The following FCHSD2 variants were observed in gnomAD, a reference collection of about 807,000 sequenced individuals.
FCHSD2 encodes the protein FCH and double SH3 domains 2.
FCHSD2 carries 38 observed loss-of-function variants against 108.1 expected under a neutral mutation model. That is an observed-to-expected ratio of 0.35 (90% confidence interval 0.27 to 0.46). The LOEUF (loss-of-function observed/expected upper bound fraction) is 0.46, where lower values mean the gene tolerates loss of function less well. FCHSD2 is among the 20% of genes least tolerant of loss of function. The pLI is 1.00. For synonymous variants in FCHSD2, 279 were observed against 314.7 expected (o/e 0.89, Z 1.20); for missense variants, 751 against 897.8 (o/e 0.84, Z 2.09).
chr11:72,983,705 C>A, intron 8 of FCHSD2: 1 of 346,412 alleles, frequency 2.9e-6, no homozygotes, highest in Non-Finnish European at 5.6e-6. Flanking sequence ...GAAGATTCTG[C>A]CTAGCTTCAA....
At chr11:72,953,059 T>C (rs886878622) in intron 8 of FCHSD2, among the ~76,000 whole-genome samples, 3 of 152,226 alleles carry the variant, frequency 2.0e-5, no homozygotes, top group African/African-American at 7.2e-5. Context: ...ATTTATGAAG[T>C]TATTGTGCTC....
chr11:73,105,940 T>G (rs938769504), intron 2 of FCHSD2, among the ~76,000 whole-genome samples: 2 of 152,204 alleles, frequency 1.3e-5, no homozygotes, highest in Non-Finnish European at 2.9e-5. Context: ...AGAAGATACC[T>G]GGCAGAAGCA....
chr11:73,139,423 T>C (rs559573440), intron 2 of FCHSD2, among the ~76,000 whole-genome samples: 1 of 152,248 alleles, frequency 6.6e-6, no homozygotes, highest in East Asian at 1.9e-4. Flanking sequence ...ATTTCTTTCA[T>C]TAAAATAAGT....
At chr11:72,978,779 G>C (rs547086209) in intron 8 of FCHSD2, among the ~76,000 whole-genome samples, 1 of 151,350 alleles carries the variant, frequency 6.6e-6, no homozygotes, top group East Asian at 1.9e-4. Context: ...GTTTCCTGAG[G>C]CCTCCCCAGC....
intron 3 of FCHSD2, among the ~76,000 whole-genome samples, chr11:73,059,871 G>C (rs1859119860): frequency 6.6e-6 from 1 of 152,064 alleles, no homozygotes; most frequent in African/African-American, 2.4e-5. Context: ...ACTAATAGAA[G>C]ACTTGATAAA....
rs192969098 is a variant in FCHSD2, at chr11:73,124,578, A to G, written c.119+15453T>C. ...CGAGACCAGCCTGGCCAACATGGTG[A>G]AACCCCGCCTCTACTGAAAATACAA... On this transcript the variant is annotated intron_variant, in intron 2 of 19. Transcript: ENST00000409418. Among the ~76,000 whole-genome samples, 548 of 152,196 alleles carry G rather than the reference A, an allele frequency of 3.6e-3. 2 individuals are homozygous for G. The highest frequency in any genetic ancestry group is 0.013 in the African/African-American group (520 of 41,532).
At chr11:73,046,787 T>C (rs998467653) in intron 3 of FCHSD2, among the ~76,000 whole-genome samples, 1 of 152,190 alleles carries the variant, frequency 6.6e-6, no homozygotes, top group Non-Finnish European at 1.5e-5. Flanking sequence ...TTCACCATGT[T>C]GCCCAGGCTG....
intron 8 of FCHSD2, among the ~76,000 whole-genome samples, chr11:72,952,714 A>G (rs1426345132): frequency 6.6e-6 from 1 of 152,202 alleles, no homozygotes; most frequent in African/African-American, 2.4e-5. Context: ...TTAGTGGAAG[A>G]TAAGGGAAGG....
intron 12 of FCHSD2, among the ~76,000 whole-genome samples, chr11:72,886,630 C>G (rs1180806425): frequency 1.3e-5 from 2 of 152,186 alleles, no homozygotes; most frequent in Non-Finnish European, 2.9e-5. Flanking sequence ...CACCACATTG[C>G]TGCTGAGTAG....
chr11:72,983,988 C>A, intron 8 of FCHSD2, 100 bp downstream of exon 8: 1 of 888,658 alleles, frequency 1.1e-6, no homozygotes. Flanking sequence ...CATAGCCTGG[C>A]TACTCTTTTA....
intron 2 of FCHSD2, among the ~76,000 whole-genome samples, chr11:73,091,270 G>T (rs1859950549): frequency 6.6e-6 from 1 of 152,192 alleles, no homozygotes; most frequent in Admixed American, 6.5e-5. Flanking sequence ...CAGGCATGGT[G>T]GCTCACGCCT....
chr11:73,132,835 A>AC (rs1861034780), intron 2 of FCHSD2, among the ~76,000 whole-genome samples: 1 of 151,828 alleles, frequency 6.6e-6, no homozygotes, highest in South Asian at 2.1e-4. Flanking sequence ...AAAAAAAAAA[A>AC]AAAAAAACCT....
intron 12 of FCHSD2, among the ~76,000 whole-genome samples, chr11:72,883,790 G>A (rs1383261013): frequency 6.6e-6 from 1 of 152,112 alleles, no homozygotes; most frequent in East Asian, 1.9e-4. Context: ...AAATTAGCCA[G>A]GCATGGTGGA....
intron 2 of FCHSD2, among the ~76,000 whole-genome samples, chr11:73,128,912 C>T (rs1009030383): frequency 6.6e-6 from 1 of 152,152 alleles, no homozygotes; most frequent in Non-Finnish European, 1.5e-5. Flanking sequence ...CGCTCTGTTG[C>T]CCAGGCTGGA....
Position 72,843,177 on chromosome 11 carries a change from G to A in FCHSD2, c.1679C>T (p.Ser560Leu). 1 of 1,613,994 alleles carries A rather than the reference G, an allele frequency of 6.2e-7. No homozygotes were observed. Among genetic ancestry groups the A allele is most frequent in the Non-Finnish European group, 8.5e-7 (1 of 1,179,892 alleles). The change falls in exon 16 of 20, where the codon TCA (serine) becomes TTA (leucine). Residue 560 changes from serine to leucine, a missense_variant. Coordinates refer to ENST00000409418, the MANE Select transcript of FCHSD2 (RefSeq NM_014824.3). ...SSNSTEAELV[S>L]GSLNGDASVC... ...ACTGGCATCTCCGTTGAGGCTGCCT[G>A]AAACGAGTTCTGCTTCCGTGGAATT...
intron 3 of FCHSD2, among the ~76,000 whole-genome samples, chr11:73,078,781 C>T (rs967219796): frequency 1.3e-5 from 2 of 152,108 alleles, no homozygotes; most frequent in East Asian, 1.9e-4. Flanking sequence ...CACAGTGGTG[C>T]GATCACAGCT....
chr11:72,892,113 C>T (rs555724944), intron 10 of FCHSD2, among the ~76,000 whole-genome samples: 1 of 152,140 alleles, frequency 6.6e-6, no homozygotes, highest in Admixed American at 6.5e-5. Context: ...CTGATAGAGA[C>T]ATTTAATTTT....
intron 10 of FCHSD2, among the ~76,000 whole-genome samples, chr11:72,901,189 C>T (rs983583638): frequency 1.3e-5 from 2 of 151,992 alleles, no homozygotes; most frequent in Admixed American, 6.6e-5. Context: ...CTCAGGAGTT[C>T]GAGACCAGCC....
At chr11:72,983,250 C>T (rs1408781878) in intron 8 of FCHSD2, among the ~76,000 whole-genome samples, 2 of 150,646 alleles carry the variant, frequency 1.3e-5, no homozygotes, top group Non-Finnish European at 3.0e-5. Flanking sequence ...GCCGAGATCC[C>T]GCCACTGCAC....
Sources: gnomAD v4.1 joint callset for allele counts (sites outside exome capture counted in the v4.1 genomes callset) on GRCh38, gnomAD v4.1.1 for gene constraint, MANE v1.5 for transcripts, NCBI Gene and HGNC (gene_info 2026-07-23, HGNC 2026-07-21) for gene names.